Variants in ATP10B observed in about 807,000 individuals in gnomAD.
ATP10B encodes phospholipid-transporting ATPase VB.
Under a neutral mutation model 141.2 loss-of-function variants are expected in ATP10B, and 122 were observed. That is an observed-to-expected ratio of 0.86 (90% CI 0.75 to 1.00). ATP10B has a LOEUF of 1.00. Ranked by LOEUF, ATP10B falls within the 50% of genes least tolerant of loss-of-function variation. The pLI, the probability that ATP10B is intolerant of heterozygous loss-of-function variation, is 0.00. For missense variants in ATP10B, 1,876 were observed against 1,825.3 expected, an observed-to-expected ratio of 1.03 and a Z score of -0.51; for synonymous variants, 685 against 692.0, an observed-to-expected ratio of 0.99 and a Z score of 0.16.
chr5:160,602,880 A>G (rs1184827166), intron 20 of ATP10B, 178 bp from the exon 21 acceptor site: 1 of 667,828 alleles, frequency 1.5e-6, no homozygotes, highest in African/African-American at 1.8e-5. Context: ...CCTTCTGGGA[A>G]ATCCAAACCT....
chr5:160,589,747 T>G, intron 23 of ATP10B, 51 bp from the exon 24 acceptor site: 1 of 1,418,826 alleles, frequency 7.0e-7, no homozygotes. Context: ...TGGACTAACT[T>G]TGGCTTTGAC....
At chr5:160,709,074 C>A (rs1223211026) in intron 3 of ATP10B, among the ~76,000 whole-genome samples, 1 of 152,108 alleles carries the variant, frequency 6.6e-6, no homozygotes, top group Admixed American at 6.6e-5. Flanking sequence ...ACTCATATAC[C>A]AATGACAACA....
At chr5:160,912,732 GAGAA>G in the ATP10B span, among the ~76,000 whole-genome samples, 382 of 151,904 alleles carry the variant, frequency 2.5e-3, 1 homozygote, top group African/African-American at 8.2e-3. Flanking sequence ...AAGAGAGAGA[GAGAA>G]AGAAAGAAAG....
At chr5:160,890,272 CTGAG>C in the ATP10B span, among the ~76,000 whole-genome samples, 3 of 152,164 alleles carry the variant, frequency 2.0e-5, no homozygotes, top group African/African-American at 7.2e-5. Flanking sequence ...TATGACCCTG[CTGAG>C]TTTTTTTTGT....
At chr5:160,704,914 C>CATCTTTTT (rs1764895267) in intron 3 of ATP10B, among the ~76,000 whole-genome samples, 1 of 83,640 alleles carries the variant, frequency 1.2e-5, no homozygotes, top group Non-Finnish European at 2.0e-5. Context: ...TTTCTTTCAT[C>CATCTTTTT]TTTTTTTTTT....
intron 24 of ATP10B, among the ~76,000 whole-genome samples, chr5:160,584,525 T>C (rs1755764666): frequency 6.6e-6 from 1 of 152,164 alleles, no homozygotes; most frequent in Admixed American, 6.5e-5. Flanking sequence ...CTTTCCTACA[T>C]CTGCAGAATT....
intron 7 of ATP10B, among the ~76,000 whole-genome samples, chr5:160,663,918 A>G (rs1762149937): frequency 6.6e-6 from 1 of 152,226 alleles, no homozygotes; most frequent in Admixed American, 6.5e-5. Flanking sequence ...TAAATAGATA[A>G]TAAAAGCACC....
At chr5:160,865,775 CA>C in the ATP10B span, among the ~76,000 whole-genome samples, 4 of 151,986 alleles carry the variant, frequency 2.6e-5, no homozygotes, top group Non-Finnish European at 5.9e-5. Flanking sequence ...AGACAATTCT[CA>C]AAACAAGATA....
chr5:160,835,499 A>G (rs1775366986), intron 1 of ATP10B, among the ~76,000 whole-genome samples: 1 of 152,164 alleles, frequency 6.6e-6, no homozygotes, highest in Admixed American at 6.6e-5. Flanking sequence ...TGCATTGGGA[A>G]TAAGCTCATG....
the ATP10B span, among the ~76,000 whole-genome samples, chr5:160,858,024 T>C: frequency 6.6e-6 from 1 of 152,014 alleles, no homozygotes; most frequent in Non-Finnish European, 1.5e-5. Context: ...ATCTGTTTTA[T>C]TTGATGTAAA....
intron 1 of ATP10B, among the ~76,000 whole-genome samples, chr5:160,813,326 A>G (rs569349292): frequency 5.3e-5 from 8 of 152,352 alleles, no homozygotes; most frequent in Non-Finnish European, 8.8e-5. Flanking sequence ...ACGACACACC[A>G]GGAGATTATA....
chr5:160,815,334 C>A (rs1773525919), intron 1 of ATP10B, among the ~76,000 whole-genome samples: 1 of 152,094 alleles, frequency 6.6e-6, no homozygotes. Context: ...GCAGCAGTTG[C>A]AATCCTGGTC....
Position 160,642,697 on chromosome 5 carries a change from T to C in ATP10B, c.868+1441A>G, listed in dbSNP as rs376929001. Among the ~76,000 whole-genome samples the C allele has an allele frequency of 2.6e-5, 4 of 152,212 alleles. No individual in the cohort carries two copies. In the South Asian group the frequency reaches 6.2e-4, roughly 24 times the overall value. On this transcript the variant is annotated intron_variant, in intron 9 of 25. Coordinates refer to ENST00000327245, the MANE Select transcript of ATP10B (RefSeq NM_025153.3). ...AAAACAACTGGTATCTTCTTTCTCA[T>C]AGTTTTGCGGGCCTGATGTATTCCA...
At chr5:160,766,334 G>A (rs1049821325) in intron 2 of ATP10B, among the ~76,000 whole-genome samples, 2 of 117,112 alleles carry the variant, frequency 1.7e-5, no homozygotes, top group African/African-American at 3.1e-5. Flanking sequence ...AGTGGATAAA[G>A]AGAACACACA....
chr5:160,734,875 AG>A (rs1290396145), intron 2 of ATP10B, among the ~76,000 whole-genome samples: 1 of 151,986 alleles, frequency 6.6e-6, no homozygotes, highest in African/African-American at 2.4e-5. Flanking sequence ...GTAAGAATAT[AG>A]TAGAAGAGTT....
intron 3 of ATP10B, among the ~76,000 whole-genome samples, chr5:160,695,662 G>C (rs1764317949): frequency 1.3e-5 from 2 of 152,120 alleles, no homozygotes. Context: ...GTCTTTACTA[G>C]AGAATTATTT....
chr5:160,779,472 C>T (rs1026666171), intron 2 of ATP10B, among the ~76,000 whole-genome samples: 35 of 152,158 alleles, frequency 2.3e-4, no homozygotes, highest in African/African-American at 8.4e-4. Context: ...AGAGGGCAAG[C>T]TGGCAAGAAA....
intron 13 of ATP10B, among the ~76,000 whole-genome samples, chr5:160,624,817 A>T (rs1463658277): frequency 6.6e-6 from 1 of 152,238 alleles, no homozygotes; most frequent in African/African-American, 2.4e-5. Context: ...CCAGAATCAG[A>T]GCTCAGACTC....
At chr5:160,763,463 T>C (rs770848167) in intron 2 of ATP10B, among the ~76,000 whole-genome samples, 4 of 152,104 alleles carry the variant, frequency 2.6e-5, no homozygotes, top group Admixed American at 6.6e-5. Flanking sequence ...TGAATGATCA[T>C]TGGGTCAACA....
Sources: gnomAD v4.1 joint callset for allele counts (sites outside exome capture counted in the v4.1 genomes callset) on GRCh38, gnomAD v4.1.1 for gene constraint, MANE v1.5 for transcripts, NCBI Gene and HGNC (gene_info 2026-07-23, HGNC 2026-07-21) for gene names.